The following IL23R variants were observed in gnomAD, a reference collection of about 807,000 sequenced individuals.
IL23R encodes interleukin-23 receptor.
IL23R carries 34 observed loss-of-function variants against 56.9 expected under a neutral mutation model. The observed-to-expected ratio is 0.60, with a 90% CI of 0.45 to 0.80. IL23R has a LOEUF of 0.80. Ranked by LOEUF, IL23R falls within the 30% of genes least tolerant of loss-of-function variation. The pLI is 0.00. For missense variants in IL23R, 635 were observed against 730.0 expected, an observed-to-expected ratio of 0.87 and a Z score of 1.50; for synonymous variants, 230 against 249.2, an observed-to-expected ratio of 0.92 and a Z score of 0.73.
At chr1:67,253,008 C>T (rs1652734455) in intron 9 of IL23R, among the ~76,000 whole-genome samples, 1 of 152,174 alleles carries the variant, frequency 6.6e-6, no homozygotes, top group South Asian at 2.1e-4. Context: ...GGTTTTCACT[C>T]TTGTCTGCCT....
chr1:67,172,422 T>C (rs1260379812), intron 3 of IL23R, among the ~76,000 whole-genome samples: 1 of 152,212 alleles, frequency 6.6e-6, no homozygotes, highest in African/African-American at 2.4e-5. Context: ...CTTTAATGTA[T>C]AATTTGTGAA....
At chr1:67,186,835 G>T (rs1416746536) in intron 4 of IL23R, among the ~76,000 whole-genome samples, 1 of 152,052 alleles carries the variant, frequency 6.6e-6, no homozygotes, top group Non-Finnish European at 1.5e-5. Flanking sequence ...TGCCCAGGCT[G>T]GTATGGAACT....
intron 4 of IL23R, among the ~76,000 whole-genome samples, 165 bp from the exon 5 acceptor site, chr1:67,200,572 A>G (rs1162164386): frequency 6.6e-6 from 1 of 151,746 alleles, no homozygotes; most frequent in African/African-American, 2.4e-5. Flanking sequence ...TTTAATAGAG[A>G]CAGGGTTTCA....
At chr1:67,148,380 C>T (rs545921384) in intron 1 of IL23R, among the ~76,000 whole-genome samples, 4 of 152,258 alleles carry the variant, frequency 2.6e-5, no homozygotes, top group Admixed American at 6.5e-5. Flanking sequence ...CCTGCCCGCT[C>T]GAATTCCTGG....
chr1:67,234,728 G>A (rs1276894453), intron 7 of IL23R, among the ~76,000 whole-genome samples: 1 of 44,030 alleles, frequency 2.3e-5, no homozygotes, highest in African/African-American at 8.2e-5. Context: ...TTTTTTTTGA[G>A]ATGGAGTCTT....
At chr1:67,205,933 C>CTT (rs1553291089) in intron 5 of IL23R, among the ~76,000 whole-genome samples, 2 of 137,998 alleles carry the variant, frequency 1.4e-5, no homozygotes, top group East Asian at 2.1e-4. Context: ...CTTTTTCTTT[C>CTT]TTTCTTTCTC....
At chr1:67,248,892 A>G (rs543393098) in intron 9 of IL23R, among the ~76,000 whole-genome samples, 2 of 152,236 alleles carry the variant, frequency 1.3e-5, no homozygotes, top group South Asian at 4.1e-4. Context: ...ACAGTCTGTC[A>G]TGGCTTCTTT....
intron 9 of IL23R, among the ~76,000 whole-genome samples, chr1:67,250,963 A>T (rs1342407509): frequency 6.6e-6 from 1 of 152,232 alleles, no homozygotes; most frequent in African/African-American, 2.4e-5. Context: ...AGGTTCCATG[A>T]GGAAAACAGA....
chr1:67,256,665 A>G (rs1023036206), intron 10 of IL23R, among the ~76,000 whole-genome samples: 2 of 152,146 alleles, frequency 1.3e-5, no homozygotes, highest in South Asian at 4.1e-4. Context: ...TGGGAGTGGA[A>G]AGGAAACACT....
chr1:67,218,304 A>T (rs1649989784), intron 6 of IL23R, among the ~76,000 whole-genome samples: 1 of 145,778 alleles, frequency 6.9e-6, no homozygotes, highest in Non-Finnish European at 1.5e-5. Flanking sequence ...ATACATATAT[A>T]CATATATACA....
In IL23R at chr1:67,258,810, A is replaced by T; in HGVS notation, c.1572A>T (p.Leu524Phe). The T allele has an allele frequency of 6.2e-7, 1 of 1,612,088 alleles. No individual in the cohort carries two copies. ...TAGACTCAGGAAATAATCCCAGGTT[A>T]CAAAAGCATCCTAATTTTGCTTTTT... Reference protein sequence around the residue: ...DSLDSGNNPRLQKHPNFAFSV... With the variant: ...DSLDSGNNPRFQKHPNFAFSV... Residue 524 changes from leucine (L) to phenylalanine (F), a missense_variant, in exon 11 of 11, where the codon TTA (leucine) becomes TTT (phenylalanine). Leu to Phe is a conservative substitution (Grantham distance 22). Coordinates refer to ENST00000347310, the MANE Select transcript of IL23R (RefSeq NM_144701.3).
At chr1:67,226,780 G>A (rs1291595883) in intron 7 of IL23R, among the ~76,000 whole-genome samples, 2 of 152,172 alleles carry the variant, frequency 1.3e-5, no homozygotes, top group African/African-American at 4.8e-5. Context: ...CATCGCCTTA[G>A]TAGTAGTGGT....
At chr1:67,233,269 G>C (rs1442097752) in intron 7 of IL23R, among the ~76,000 whole-genome samples, 3 of 150,060 alleles carry the variant, frequency 2.0e-5, no homozygotes, top group African/African-American at 7.4e-5. Flanking sequence ...GGGAGGTTGA[G>C]ACAGGAGAAT....
chr1:67,161,520 T>C (rs1646820086), upstream of IL23R, among the ~76,000 whole-genome samples: 1 of 152,082 alleles, frequency 6.6e-6, no homozygotes, highest in Admixed American at 6.5e-5. Context: ...TGAGCTTCAA[T>C]GCAGTGGTCT....
At chr1:67,216,532 C>G (rs1359724947) in intron 6 of IL23R, among the ~76,000 whole-genome samples, 1 of 152,150 alleles carries the variant, frequency 6.6e-6, no homozygotes, top group African/African-American at 2.4e-5. Context: ...ATTTCTGTCT[C>G]AACTACTCAA....
chr1:67,228,021 C>CTCT (rs1399547596), intron 7 of IL23R, among the ~76,000 whole-genome samples: 2 of 31,706 alleles, frequency 6.3e-5, no homozygotes, highest in South Asian at 5.4e-4. Flanking sequence ...TTTCTTTCTT[C>CTCT]CTTTCTTTCT....
intron 1 of IL23R, among the ~76,000 whole-genome samples, chr1:67,149,004 T>A (rs1043390939): frequency 6.6e-6 from 1 of 152,150 alleles, no homozygotes. Flanking sequence ...TGAAAATGAA[T>A]GATAGTGGTG....
intron 9 of IL23R, among the ~76,000 whole-genome samples, chr1:67,254,991 CCCAG>C (rs1652859443): frequency 6.6e-6 from 1 of 152,156 alleles, no homozygotes. Flanking sequence ...AGACATGTTC[CCCAG>C]CCTCCTTCTC....
At chr1:67,186,813 G>A (rs927480250) in intron 4 of IL23R, among the ~76,000 whole-genome samples, 2 of 152,104 alleles carry the variant, frequency 1.3e-5, no homozygotes, top group African/African-American at 4.8e-5. Flanking sequence ...TAGAGACTGG[G>A]TTTCACCATG....
Sources: gnomAD v4.1 joint callset for allele counts (sites outside exome capture counted in the v4.1 genomes callset) on GRCh38, gnomAD v4.1.1 for gene constraint, MANE v1.5 for transcripts, NCBI Gene and HGNC (gene_info 2026-07-23, HGNC 2026-07-21) for gene names.